ALK: variants seen among roughly 807,000 people sequenced by gnomAD.
ALK encodes the protein ALK tyrosine kinase receptor.
ALK carries 74 observed loss-of-function variants against 163.1 expected under a neutral mutation model. That is an observed-to-expected ratio of 0.45 (90% confidence interval 0.38 to 0.55). The LOEUF is 0.55. ALK is among the 20% of genes least tolerant of loss of function. The pLI, the probability that ALK is intolerant of heterozygous loss-of-function variation, is 0.00. For missense variants in ALK, 2,063 were observed against 2,105.3 expected, an observed-to-expected ratio of 0.98 and a Z score of 0.39; for synonymous variants, 960 against 843.2, an observed-to-expected ratio of 1.14 and a Z score of -2.40.
At chr2:29,766,099 T>C (rs868841590) in intron 1 of ALK, among the ~76,000 whole-genome samples, 7 of 152,390 alleles carry the variant, frequency 4.6e-5, no homozygotes, top group Middle Eastern at 6.8e-3. Flanking sequence ...CAGTATTTTG[T>C]TGTATCAATG....
rs571683945 is a variant in ALK at position 29,306,409 on chromosome 2, G to C, written c.1648-9352C>G. Among the ~76,000 whole-genome samples, 56 of 152,220 alleles carry C rather than the reference G, an allele frequency of 3.7e-4. No homozygotes were observed. In the South Asian group the frequency reaches 0.011, roughly 31 times the overall value. ...ATTATGGTACTCCTTAAAGCTTTGGGGGCATATTGCAAAGATTTTCCAGAT... is the reference window on the plus strand; with the variant it reads ...ATTATGGTACTCCTTAAAGCTTTGGCGGCATATTGCAAAGATTTTCCAGAT... On this transcript the variant is annotated intron_variant, in intron 8 of 28. Coordinates refer to ENST00000389048, the MANE Select transcript of ALK (RefSeq NM_004304.5).
chr2:29,612,301 T>A (rs1186748857), intron 3 of ALK, among the ~76,000 whole-genome samples: 2 of 152,218 alleles, frequency 1.3e-5, no homozygotes, highest in African/African-American at 2.4e-5. Context: ...CGTCTTCCCC[T>A]CCTGTGCTTT....
At position 29,849,958 on chromosome 2, in the gene ALK, T is replaced by TA. The variant is rs1406984179; in HGVS notation, c.667+70034_667+70035insT. Among the ~76,000 whole-genome samples the TA allele has an allele frequency of 1.9e-4, 29 of 152,084 alleles. 1 individual carries two copies. The highest frequency in any genetic ancestry group is 6.5e-4 in the African/African-American group (27 of 41,476). ...ACACACATACAACAGAGTACAACAG[T>TA]TTTAGAGGAGAGGAAATTAGTGACA... On this transcript the variant is annotated intron_variant, in intron 1 of 28. Transcript: ENST00000389048.
intron 3 of ALK, among the ~76,000 whole-genome samples, chr2:29,595,602 G>C (rs1427496071): frequency 6.6e-6 from 1 of 152,186 alleles, no homozygotes; most frequent in Non-Finnish European, 1.5e-5. Flanking sequence ...TTACAGGCGT[G>C]AGCCGCCGCG....
At chr2:29,618,417 T>G (rs565774480) in intron 3 of ALK, among the ~76,000 whole-genome samples, 63 of 152,280 alleles carry the variant, frequency 4.1e-4, no homozygotes, top group African/African-American at 1.3e-3. Context: ...TCATTTTTTT[T>G]TTTTTGTTGA....
intron 22 of ALK, chr2:29,221,157 T>A (rs1669793199): frequency 1.8e-6 from 1 of 556,910 alleles, no homozygotes; most frequent in African/African-American, 1.8e-5. Context: ...GTGCGTGGAC[T>A]GGGTGCTAGA....
intron 4 of ALK, among the ~76,000 whole-genome samples, chr2:29,468,162 G>T (rs527359118): frequency 6.6e-6 from 1 of 152,148 alleles, no homozygotes; most frequent in African/African-American, 2.4e-5. Context: ...CCAAGTAGCT[G>T]GGACTACAGG....
intron 3 of ALK, among the ~76,000 whole-genome samples, chr2:29,572,647 G>A (rs567170404): frequency 6.6e-6 from 1 of 152,222 alleles, no homozygotes; most frequent in South Asian, 2.1e-4. Context: ...ATAACCTTTA[G>A]CGTCTATGAT....
intron 3 of ALK, among the ~76,000 whole-genome samples, chr2:29,637,656 C>A (rs1309767539): frequency 1.4e-5 from 2 of 144,034 alleles, no homozygotes; most frequent in East Asian, 2.1e-4. Flanking sequence ...TTGCAGTGAG[C>A]CGACATTGCA....
intron 1 of ALK, among the ~76,000 whole-genome samples, chr2:29,786,352 T>C (rs1203778300): frequency 2.0e-5 from 3 of 152,232 alleles, no homozygotes; most frequent in Admixed American, 6.5e-5. Context: ...GGAAACCATC[T>C]TATTCCATTT....
intron 3 of ALK, among the ~76,000 whole-genome samples, chr2:29,683,468 C>A (rs1678137417): frequency 6.6e-6 from 1 of 152,100 alleles, no homozygotes; most frequent in South Asian, 2.1e-4. Flanking sequence ...GTAGAAAATT[C>A]AAAGTGGACC....
At chr2:29,532,147 G>C in intron 3 of ALK, 31 bp from the exon 4 acceptor site, 2 of 1,604,344 alleles carry the variant, frequency 1.2e-6, no homozygotes, top group Non-Finnish European at 1.7e-6. Context: ...CGAATCTGCA[G>C]ATGTGTTCAG....
At chr2:29,862,778 T>A (rs1009391825) in intron 1 of ALK, among the ~76,000 whole-genome samples, 6 of 151,754 alleles carry the variant, frequency 4.0e-5, no homozygotes, top group African/African-American at 1.5e-4. Flanking sequence ...AATCCTAAAA[T>A]TCATATAGAA....
At chr2:29,750,402 C>T (rs1227878792) in intron 1 of ALK, among the ~76,000 whole-genome samples, 1 of 152,120 alleles carries the variant, frequency 6.6e-6, no homozygotes, top group Admixed American at 6.5e-5. Context: ...GTGGCTCATG[C>T]TTATAATTCA....
intron 3 of ALK, among the ~76,000 whole-genome samples, chr2:29,587,820 C>T (rs1332889842): frequency 6.6e-6 from 1 of 152,182 alleles, no homozygotes; most frequent in Non-Finnish European, 1.5e-5. Context: ...GCTTATCCCT[C>T]TAAAAGCAAC....
intron 5 of ALK, among the ~76,000 whole-genome samples, chr2:29,380,698 T>G (rs1423026469): frequency 6.6e-6 from 1 of 152,030 alleles, no homozygotes; most frequent in Middle Eastern, 3.2e-3. Flanking sequence ...CCTCACAAAG[T>G]GTTGGGATTA....
intron 3 of ALK, among the ~76,000 whole-genome samples, chr2:29,539,750 A>C (rs1459913354): frequency 6.6e-6 from 1 of 152,184 alleles, no homozygotes; most frequent in African/African-American, 2.4e-5. Flanking sequence ...AAAGGACTAA[A>C]ATAATTTCTA....
At chr2:29,869,835 AAAAC>A (rs1420311138) in intron 1 of ALK, among the ~76,000 whole-genome samples, 3 of 152,326 alleles carry the variant, frequency 2.0e-5, no homozygotes, top group East Asian at 1.9e-4. Flanking sequence ...ACAAATACCA[AAAAC>A]AAACAAATAT....
chr2:29,858,399 C>T (rs74866793), intron 1 of ALK, among the ~76,000 whole-genome samples: 2 of 151,976 alleles, frequency 1.3e-5, no homozygotes, highest in Non-Finnish European at 2.9e-5. Flanking sequence ...ACCCCCCTCT[C>T]GCACAGCATC....
Sources: gnomAD v4.1 joint callset for allele counts (sites outside exome capture counted in the v4.1 genomes callset) on GRCh38, gnomAD v4.1.1 for gene constraint, MANE v1.5 for transcripts, NCBI Gene and HGNC (gene_info 2026-07-23, HGNC 2026-07-21) for gene names.